The following FRY variants were observed in gnomAD, a reference collection of about 807,000 sequenced individuals.
The protein encoded by FRY is protein furry homolog.
A neutral mutation model predicts 348.4 loss-of-function variants in FRY; 128 were observed. The ratio of observed to expected loss-of-function variants is 0.37; its 90% CI spans 0.32 to 0.43. The LOEUF is 0.43. Ranked by LOEUF, FRY falls within the 20% of genes least tolerant of loss-of-function variation. The probability of loss-of-function intolerance (pLI) is 1.00; values close to 1 mark genes in which losing one functional copy is unlikely to be tolerated. For missense variants in FRY, 2,736 were observed against 3,695.2 expected, an observed-to-expected ratio of 0.74 and a Z score of 6.73; for synonymous variants, 1,370 against 1,374.7, an observed-to-expected ratio of 1.00 and a Z score of 0.08.
chr13:32,236,034 A>G (rs1886207931), intron 42 of FRY, 44 bp from the exon 43 acceptor site: 3 of 1,230,058 alleles, frequency 2.4e-6, no homozygotes, highest in Non-Finnish European at 3.6e-6. Context: ...GAAATTAACA[A>G]TGGTTACAAG....
At chr13:32,103,198 G>A (rs1193364658) in intron 3 of FRY, among the ~76,000 whole-genome samples, 4 of 152,230 alleles carry the variant, frequency 2.6e-5, no homozygotes, top group Admixed American at 6.5e-5. Flanking sequence ...CAGAAGGCTG[G>A]TGAAATGGAA....
Position 32,127,523 on chromosome 13 carries a change from A to T in FRY, c.716+2648A>T, listed in dbSNP as rs138522246. Among the ~76,000 whole-genome samples the T allele has an allele frequency of 1.4e-3, 219 of 152,308 alleles. 5 individuals carry two copies. In the East Asian group the frequency reaches 0.039, roughly 27 times the overall value. On this transcript the variant is annotated intron_variant, in intron 7 of 60. Transcript: ENST00000542859. ...CTGAGTGCGGTGGCTCACACCTGTAATTCCATCACTTTGGGAGGCCAAGGT... is the reference window on the plus strand; with the variant it reads ...CTGAGTGCGGTGGCTCACACCTGTATTTCCATCACTTTGGGAGGCCAAGGT...
chr13:32,265,217 G>C (rs1887855403), intron 53 of FRY, among the ~76,000 whole-genome samples: 1 of 152,182 alleles, frequency 6.6e-6, no homozygotes. Flanking sequence ...TCTACTGAGA[G>C]CCCCTTTGGG....
intron 28 of FRY, among the ~76,000 whole-genome samples, chr13:32,188,793 T>A (rs2138275927): frequency 6.6e-6 from 1 of 152,258 alleles, no homozygotes; most frequent in East Asian, 1.9e-4. Flanking sequence ...TCTTTGAAGA[T>A]CTATAGAATC....
At chr13:32,172,765 T>C (rs1300004786) in intron 18 of FRY, among the ~76,000 whole-genome samples, 1 of 152,128 alleles carries the variant, frequency 6.6e-6, no homozygotes, top group African/African-American at 2.4e-5. Flanking sequence ...GTTGTAGACA[T>C]GCCAACACGA....
chr13:32,091,253 A>G (rs1011754769), intron 2 of FRY, among the ~76,000 whole-genome samples: 3 of 152,192 alleles, frequency 2.0e-5, no homozygotes, highest in African/African-American at 7.2e-5. Flanking sequence ...GCAGGTTATC[A>G]AGGGGGCTAA....
intron 2 of FRY, among the ~76,000 whole-genome samples, 176 bp from the exon 3 acceptor site, chr13:32,101,787 A>G (rs932580454): frequency 9.9e-5 from 15 of 152,208 alleles, no homozygotes; most frequent in Non-Finnish European, 1.3e-4. Flanking sequence ...ATGATCAAAC[A>G]TAACTACTAT....
chr13:32,227,899 C>T (rs954758276), intron 39 of FRY, among the ~76,000 whole-genome samples: 2 of 151,918 alleles, frequency 1.3e-5, no homozygotes, highest in Admixed American at 6.6e-5. Flanking sequence ...CTACAGGTGC[C>T]GACCACCACG....
intron 14 of FRY, among the ~76,000 whole-genome samples, chr13:32,153,220 A>AAC (rs1053852290): frequency 2.0e-5 from 3 of 152,180 alleles, no homozygotes; most frequent in African/African-American, 7.2e-5. Context: ...GAGAAATCAA[A>AAC]ACACATGCTC....
intron 53 of FRY, among the ~76,000 whole-genome samples, chr13:32,265,041 C>A (rs569886233): frequency 2.6e-5 from 4 of 152,348 alleles, no homozygotes; most frequent in Non-Finnish European, 4.4e-5. Flanking sequence ...AGAAGTGTTT[C>A]TTGTCCCAGC....
intron 23 of FRY, 147 bp from the exon 24 acceptor site, chr13:32,182,830 T>G: frequency 1.6e-6 from 1 of 619,136 alleles, no homozygotes. Flanking sequence ...TAGCACGTGA[T>G]TGGGAAATGG....
In FRY at chr13:32,207,868, C is replaced by T. The variant is rs567636483; in HGVS notation, c.4019-985C>T. Among the ~76,000 whole-genome samples the T allele has an allele frequency of 1.6e-4, 24 of 152,300 alleles. No homozygotes were observed. The South Asian group carries it at 4.6e-3, about 29-fold the overall frequency. On this transcript the variant is annotated intron_variant, in intron 31 of 60. Transcript: ENST00000542859. ...CCCTCTAAGCGAGATTGCATTGCCA[C>T]ACTGGATCATAACACCTGTATGAGA...
chr13:32,097,110 G>T (rs1876784229), intron 2 of FRY, among the ~76,000 whole-genome samples: 1 of 152,028 alleles, frequency 6.6e-6, no homozygotes, highest in Non-Finnish European at 1.5e-5. Flanking sequence ...GGGGAGCTTT[G>T]GGATGTGGGT....
Position 32,124,826 on chromosome 13 carries a change from AT to A in FRY, c.669del (p.Ile223MetfsTer21). On this transcript the variant is annotated frameshift_variant, in exon 7 of 61. Transcript: ENST00000542859. LOFTEE classifies it high-confidence loss of function. Reference sequence around the variant, plus strand: ...TGGTCCCAACACTGGCAATATGCATATTGTGGCAGACCTGTATGCAGAAGTC... The same window carrying A: ...TGGTCCCAACACTGGCAATATGCATATGTGGCAGACCTGTATGCAGAAGTC... ...YLGPNTGNMH[I>X]VADLYAEVIG... The A allele has an allele frequency of 1.2e-6, 2 of 1,613,468 alleles. No homozygotes were observed. The highest frequency in any genetic ancestry group is 1.7e-6 in the Non-Finnish European group (2 of 1,179,346).
chr13:32,086,343 G>A (rs1003792828), intron 2 of FRY, among the ~76,000 whole-genome samples: 2 of 152,164 alleles, frequency 1.3e-5, no homozygotes, highest in African/African-American at 2.4e-5. Context: ...AGTCACCTAC[G>A]TGTGATCTGT....
At chr13:32,135,960 T>A (rs1454014253) in intron 10 of FRY, among the ~76,000 whole-genome samples, 3 of 152,162 alleles carry the variant, frequency 2.0e-5, no homozygotes, top group Non-Finnish European at 4.4e-5. Flanking sequence ...TGCATGCATA[T>A]TTTTTAGATT....
intron 1 of FRY, among the ~76,000 whole-genome samples, chr13:32,064,826 C>A (rs544739473): frequency 6.6e-6 from 1 of 152,248 alleles, no homozygotes; most frequent in East Asian, 1.9e-4. Context: ...AATGAAAATT[C>A]TTTATTTAAT....
intron 43 of FRY, among the ~76,000 whole-genome samples, chr13:32,236,469 T>C (rs1593782435): frequency 6.6e-6 from 1 of 152,282 alleles, no homozygotes; most frequent in South Asian, 2.1e-4. Flanking sequence ...TGTCTGAGTA[T>C]TTTTCCAAAT....
chr13:32,108,628 A>C (rs565404617), intron 3 of FRY, among the ~76,000 whole-genome samples: 87 of 152,346 alleles, frequency 5.7e-4, no homozygotes, highest in African/African-American at 2.0e-3. Flanking sequence ...TCATCATTGA[A>C]ATGAATGCAA....
Sources: gnomAD v4.1 joint callset for allele counts (sites outside exome capture counted in the v4.1 genomes callset) on GRCh38, gnomAD v4.1.1 for gene constraint, MANE v1.5 for transcripts, NCBI Gene and HGNC (gene_info 2026-07-23, HGNC 2026-07-21) for gene names.